Variants in ENKUR observed in about 807,000 individuals in gnomAD.
The protein encoded by ENKUR is enkurin.
ENKUR carries 19 observed loss-of-function variants against 27.6 expected under a neutral mutation model. The observed-to-expected ratio is 0.69, with a 90% CI of 0.48 to 1.01. The LOEUF is 1.01. Ranked by LOEUF, ENKUR falls within the 50% of genes least tolerant of loss-of-function variation. The pLI is 0.00. For synonymous variants in ENKUR, 117 were observed against 96.9 expected (o/e 1.21, Z -1.22); for missense variants, 312 against 310.5 (o/e 1.00, Z -0.04).
At chr10:25,025,220 C>G in intron 2 of ENKUR, 4 of 1,614,160 alleles carry the variant, frequency 2.5e-6, no homozygotes, top group Non-Finnish European at 3.4e-6. Context: ...TCATCTACAG[C>G]CCATTACTCA....
At chr10:25,005,268 T>C (rs188034435) in intron 1 of ENKUR, among the ~76,000 whole-genome samples, 56 of 152,344 alleles carry the variant, frequency 3.7e-4, no homozygotes, top group African/African-American at 1.3e-3. Flanking sequence ...ATTCTCAAAC[T>C]AAAATTGTCA....
rs1554773432 is a variant in ENKUR at position 25,032,317 on chromosome 10, G to GC, written c.37+28794_37+28795insG. Among the ~76,000 whole-genome samples the GC allele has an allele frequency of 2.3e-4, 34 of 150,018 alleles. 2 individuals carry two copies. Among genetic ancestry groups the GC allele is most frequent in the African/African-American group, 8.4e-4 (34 of 40,498 alleles). On this transcript the variant is annotated intron_variant, in intron 2 of 5. Transcript: ENST00000615958. ...GGAATTAGAATCAGAGTAAAGAAGGGGGGGGGGCTATGATCGTTACCATTC... is the reference window on the plus strand; with the variant it reads ...GGAATTAGAATCAGAGTAAAGAAGGGCGGGGGGGCTATGATCGTTACCATTC...
chr10:24,994,335 T>C (rs1348316187), intron 3 of ENKUR, among the ~76,000 whole-genome samples: 1 of 150,460 alleles, frequency 6.6e-6, no homozygotes, highest in Non-Finnish European at 1.5e-5. Flanking sequence ...AATTCTGCAC[T>C]CTTTTTTTTT....
At chr10:25,040,508 C>G (rs1240536369) in intron 2 of ENKUR, among the ~76,000 whole-genome samples, 1 of 151,608 alleles carries the variant, frequency 6.6e-6, no homozygotes, top group Non-Finnish European at 1.5e-5. Flanking sequence ...GTAGCTGGGA[C>G]TACAGGCGCC....
chr10:25,030,701 A>G (rs1356987525), intron 2 of ENKUR, among the ~76,000 whole-genome samples: 1 of 152,162 alleles, frequency 6.6e-6, no homozygotes, highest in Non-Finnish European at 1.5e-5. Context: ...GATAATTATG[A>G]TAAAACTTAT....
At chr10:24,992,305 G>A (rs1428085449) in intron 3 of ENKUR, among the ~76,000 whole-genome samples, 1 of 152,100 alleles carries the variant, frequency 6.6e-6, no homozygotes, top group Non-Finnish European at 1.5e-5. Context: ...AAGGATAGTG[G>A]GGGAAAAGAA....
chr10:25,011,141 C>T (rs557247981), intron 1 of ENKUR, among the ~76,000 whole-genome samples: 28 of 152,118 alleles, frequency 1.8e-4, no homozygotes, highest in Admixed American at 1.8e-3. Flanking sequence ...GCCATTCTAA[C>T]TGGTGTGAGA....
At chr10:24,995,505 A>G in intron 3 of ENKUR, 141 bp downstream of exon 3, 1 of 725,354 alleles carries the variant, frequency 1.4e-6, no homozygotes, top group Non-Finnish European at 2.2e-6. Context: ...GACCAAACAC[A>G]GATTGCAGAA....
In ENKUR at chr10:25,015,886, G is replaced by A. The variant is rs1850557713; in HGVS notation, c.51C>T (p.Asp17=). ...TAGGAGGCTGGGGAGGCTCCTTCAA[G>A]TCACTGGGTATGAGGTTATAAATGC... ...SECIYNLIPS[D]LKEPPQPPRY... is the part of the protein sequence containing the mutation. Residue 17 remains aspartate (D), a synonymous_variant, in exon 1 of 6, where the codon GAC becomes GAT. Coordinates refer to ENST00000331161, the MANE Select transcript of ENKUR (RefSeq NM_145010.4). 1 of 1,606,210 alleles carries A rather than the reference G, an allele frequency of 6.2e-7. No homozygotes were observed. The highest frequency in any genetic ancestry group is 8.5e-7 in the Non-Finnish European group (1 of 1,176,076).
chr10:25,048,320 A>G (rs1031908026), intron 2 of ENKUR, among the ~76,000 whole-genome samples: 1 of 152,142 alleles, frequency 6.6e-6, no homozygotes, highest in East Asian at 1.9e-4. Context: ...GGGGCAGCCA[A>G]AAGAGGAATG....
chr10:25,032,319 G>A (rs998951384), intron 2 of ENKUR, among the ~76,000 whole-genome samples: 1 of 149,938 alleles, frequency 6.7e-6, no homozygotes, highest in Non-Finnish European at 1.5e-5. Context: ...AAAGAAGGGG[G>A]GGGGGCTATG....
Position 24,990,460 on chromosome 10 carries a change from C to A in ENKUR, c.594+3G>T. The A allele has an allele frequency of 6.2e-7, 1 of 1,610,030 alleles. No homozygotes were observed. The highest frequency in any genetic ancestry group is 8.5e-7 in the Non-Finnish European group (1 of 1,178,968). ...AGATGAATGTAAATGGCAGAACACA[C>A]ACCTGCAAAACTGCCTCCCTTTCTT... On this transcript the variant is annotated splice_donor_region_variant and intron_variant, in intron 4 of 5. Coordinates refer to ENST00000331161, the MANE Select transcript of ENKUR (RefSeq NM_145010.4).
At chr10:25,016,399 G>A (rs1850573954), upstream of ENKUR, among the ~76,000 whole-genome samples, 1 of 152,240 alleles carries the variant, frequency 6.6e-6, no homozygotes, top group African/African-American at 2.4e-5. Context: ...ACGGCAAAGC[G>A]CAGCTGGTGC....
At chr10:24,987,302 G>T (rs1849800858) in intron 4 of ENKUR, among the ~76,000 whole-genome samples, 1 of 152,104 alleles carries the variant, frequency 6.6e-6, no homozygotes, top group South Asian at 2.1e-4. Context: ...AGTGCTTCTT[G>T]TTGGTTCCCT....
At chr10:24,990,187 G>A (rs915945501) in intron 4 of ENKUR, among the ~76,000 whole-genome samples, 4 of 152,092 alleles carry the variant, frequency 2.6e-5, no homozygotes, top group East Asian at 1.9e-4. Context: ...ATGCATGTTC[G>A]TTGTAGAGGA....
intron 2 of ENKUR, among the ~76,000 whole-genome samples, chr10:25,054,457 T>TTTTCTTTCTTTCTTTCTTTCTTTC (rs55635166): frequency 4.0e-5 from 4 of 100,940 alleles, no homozygotes; most frequent in Admixed American, 1.1e-4. Flanking sequence ...GTTTTTTCTC[T>TTTTCTTTCTTTCTTTCTTTCTTTC]TTTCTTTCTT....
At chr10:25,054,256 A>G (rs1484332827) in intron 2 of ENKUR, among the ~76,000 whole-genome samples, 1 of 150,724 alleles carries the variant, frequency 6.6e-6, no homozygotes, top group Non-Finnish European at 1.5e-5. Flanking sequence ...CCCCATCTCT[A>G]CTAAAAATAC....
intron 2 of ENKUR, among the ~76,000 whole-genome samples, chr10:25,033,939 T>C (rs1286761465): frequency 6.6e-6 from 1 of 152,034 alleles, no homozygotes; most frequent in Non-Finnish European, 1.5e-5. Context: ...ATATATGTAT[T>C]AAAATAAATG....
intron 2 of ENKUR, among the ~76,000 whole-genome samples, chr10:25,037,977 T>C (rs1441938865): frequency 6.6e-6 from 1 of 152,248 alleles, no homozygotes; most frequent in Non-Finnish European, 1.5e-5. Flanking sequence ...TTCATTCTGA[T>C]AACTAGCAGT....
Sources: gnomAD v4.1 joint callset for allele counts (sites outside exome capture counted in the v4.1 genomes callset) on GRCh38, gnomAD v4.1.1 for gene constraint, MANE v1.5 for transcripts, NCBI Gene and HGNC (gene_info 2026-07-23, HGNC 2026-07-21) for gene names.